Variants in ARHGEF37 observed in about 807,000 individuals in gnomAD.
ARHGEF37 encodes Rho guanine nucleotide exchange factor (GEF) 37.
Under a neutral mutation model 71.1 loss-of-function variants are expected in ARHGEF37, and 55 were observed. The observed-to-expected ratio is 0.77, with a 90% CI of 0.62 to 0.97. The LOEUF (loss-of-function observed/expected upper bound fraction) is 0.97, where lower values mean the gene tolerates loss of function less well. Ranked by LOEUF, ARHGEF37 falls within the 50% of genes least tolerant of loss-of-function variation. The pLI is 0.00. For missense variants in ARHGEF37, 765 were observed against 836.8 expected, an observed-to-expected ratio of 0.91 and a Z score of 1.06; for synonymous variants, 327 against 350.6, an observed-to-expected ratio of 0.93 and a Z score of 0.75.
intron 2 of ARHGEF37, among the ~76,000 whole-genome samples, chr5:149,598,750 C>A (rs201523800): frequency 0.14 from 6,126 of 43,832 alleles, 385 homozygotes; most frequent in African/African-American, 0.27. Flanking sequence ...ATATATATAT[C>A]TATATATAGA....
chr5:149,585,949 G>A (rs1763224875), intron 1 of ARHGEF37, among the ~76,000 whole-genome samples: 1 of 152,210 alleles, frequency 6.6e-6, no homozygotes, highest in South Asian at 2.1e-4. Context: ...TTGCAACAAT[G>A]TCATTGACAA....
intron 1 of ARHGEF37, among the ~76,000 whole-genome samples, chr5:149,585,650 T>C (rs1763214166): frequency 6.6e-6 from 1 of 151,042 alleles, no homozygotes; most frequent in Non-Finnish European, 1.5e-5. Context: ...CCCAAGTAGC[T>C]GGGATTACAG....
intron 1 of ARHGEF37, among the ~76,000 whole-genome samples, chr5:149,588,074 T>C (rs182411973): frequency 5.7e-4 from 86 of 151,936 alleles, no homozygotes; most frequent in African/African-American, 2.1e-3. Flanking sequence ...TTTTTTTGTA[T>C]TGTTAGTAGA....
Position 149,557,480 on chromosome 5 carries a change from T to G in ARHGEF37, c.-12+5357T>G, listed in dbSNP as rs963778389. ...TTGCTTTGTTTGTTTGTTTGTTTGT[T>G]TATTTATTTATTTATTTGGGACAGG... On this transcript the variant is annotated intron_variant, in intron 1 of 2. Transcript: ENST00000505810. Among the ~76,000 whole-genome samples the G allele has an allele frequency of 2.0e-5, 3 of 152,102 alleles. No homozygotes were observed. The South Asian group carries it at 6.2e-4, about 31-fold the overall frequency.
chr5:149,631,259 C>T (rs1031366468), intron 12 of ARHGEF37, among the ~76,000 whole-genome samples: 1 of 151,386 alleles, frequency 6.6e-6, no homozygotes, highest in Non-Finnish European at 1.5e-5. Flanking sequence ...GCAGCCTTAC[C>T]TCCCAGGCTC....
intron 1 of ARHGEF37, among the ~76,000 whole-genome samples, chr5:149,552,990 A>T (rs1762704026): frequency 6.6e-6 from 1 of 152,146 alleles, no homozygotes; most frequent in African/African-American, 2.4e-5. Flanking sequence ...GAAGTTTTTA[A>T]AGCCCAACCA....
chr5:149,564,148 G>A (rs1474223259), intron 1 of ARHGEF37, among the ~76,000 whole-genome samples: 1 of 151,478 alleles, frequency 6.6e-6, no homozygotes, highest in Admixed American at 6.6e-5. Context: ...AGATGGACAG[G>A]GTTTCGCTGT....
chr5:149,552,363 A>G (rs944146606), intron 1 of ARHGEF37, among the ~76,000 whole-genome samples: 5 of 152,108 alleles, frequency 3.3e-5, no homozygotes, highest in Non-Finnish European at 5.9e-5. Context: ...CTTTTTTACA[A>G]AAAATCGATC....
In ARHGEF37 at chr5:149,628,976, G is replaced by A. The variant is rs1752794259; in HGVS notation, c.1818+10G>A. The A allele has an allele frequency of 4.3e-6, 7 of 1,609,736 alleles. No homozygotes were observed. Among genetic ancestry groups the A allele is most frequent in the Non-Finnish European group, 5.9e-6 (7 of 1,178,580 alleles). ...TCCCACCATGAACCAGGTGAGTATAGGAGAGGGCTGGGGGCTTGCCTCCCA... is the reference window on the plus strand; with the variant it reads ...TCCCACCATGAACCAGGTGAGTATAAGAGAGGGCTGGGGGCTTGCCTCCCA... On this transcript the variant is annotated intron_variant, in intron 12 of 12. Transcript: ENST00000333677.
chr5:149,604,542 C>A (rs541314193), intron 3 of ARHGEF37, among the ~76,000 whole-genome samples: 1 of 152,190 alleles, frequency 6.6e-6, no homozygotes, highest in East Asian at 1.9e-4. Context: ...ACCCACATGG[C>A]TTTTCTTCTC....
chr5:149,561,900 G>A (rs993872418), intron 1 of ARHGEF37, among the ~76,000 whole-genome samples: 1 of 152,088 alleles, frequency 6.6e-6, no homozygotes, highest in Non-Finnish European at 1.5e-5. Flanking sequence ...CTCAGCCCCT[G>A]TTCTCTTCCT....
At chr5:149,630,403 A>G (rs1284839502) in intron 12 of ARHGEF37, among the ~76,000 whole-genome samples, 3 of 152,166 alleles carry the variant, frequency 2.0e-5, no homozygotes, top group Non-Finnish European at 4.4e-5. Flanking sequence ...CAGGGGAAGC[A>G]GGAGCAACAG....
At chr5:149,614,119 G>A (rs554100183) in intron 4 of ARHGEF37, among the ~76,000 whole-genome samples, 4 of 136,772 alleles carry the variant, frequency 2.9e-5, no homozygotes, top group African/African-American at 1.0e-4. Context: ...TTAGACTATG[G>A]TTTATTGGCC....
At chr5:149,612,269 G>A (rs1225024463) in intron 4 of ARHGEF37, among the ~76,000 whole-genome samples, 5 of 152,122 alleles carry the variant, frequency 3.3e-5, no homozygotes, top group African/African-American at 1.2e-4. Flanking sequence ...CCGGGTTCAC[G>A]CCATTCTCCT....
intron 1 of ARHGEF37, among the ~76,000 whole-genome samples, chr5:149,590,016 C>G (rs1763356544): frequency 6.6e-6 from 1 of 152,074 alleles, no homozygotes; most frequent in African/African-American, 2.4e-5. Flanking sequence ...TGGAGTGAAA[C>G]CTGGAACAAA....
intron 3 of ARHGEF37, 111 bp from the exon 4 acceptor site, chr5:149,609,437 C>G (rs552459055): frequency 8.2e-7 from 1 of 1,222,476 alleles, no homozygotes; most frequent in South Asian, 1.3e-5. Context: ...TGCTGGTAAA[C>G]CCAGCAATCT....
At position 149,617,744 on chromosome 5, in the gene ARHGEF37, A is replaced by G. The variant is rs78682810; in HGVS notation, c.659-432A>G. Among the ~76,000 whole-genome samples the G allele has an allele frequency of 3.3e-3, 504 of 152,230 alleles. 19 individuals carry two copies. In the East Asian group the frequency reaches 0.082, roughly 25 times the overall value. ...TCCTCCCCACCTGCTTCTCCATCCT[A>G]CGACAGATCAGTAGGAAGCACTGAG... is the stretch of plus-strand genomic sequence containing the variant. On this transcript the variant is annotated intron_variant, in intron 5 of 12. Transcript: ENST00000333677.
chr5:149,576,556 G>A (rs1308019189), upstream of ARHGEF37, among the ~76,000 whole-genome samples: 2 of 152,216 alleles, frequency 1.3e-5, no homozygotes, highest in Non-Finnish European at 2.9e-5. Context: ...TGTCTGTTAT[G>A]TGATAAACGT....
At chr5:149,554,025 G>A (rs1337722439) in intron 1 of ARHGEF37, among the ~76,000 whole-genome samples, 3 of 152,092 alleles carry the variant, frequency 2.0e-5, no homozygotes, top group South Asian at 2.1e-4. Flanking sequence ...AAAATTAGCC[G>A]GGCGTGGTGG....
Sources: gnomAD v4.1 joint callset for allele counts (sites outside exome capture counted in the v4.1 genomes callset) on GRCh38, gnomAD v4.1.1 for gene constraint, MANE v1.5 for transcripts, NCBI Gene and HGNC (gene_info 2026-07-23, HGNC 2026-07-21) for gene names.